Variants in SGF29 observed in about 807,000 individuals in gnomAD.
SGF29 encodes the protein SAGA complex associated factor 29.
In SGF29, 15 loss-of-function variants were observed where a neutral mutation model predicts 38.1. The ratio of observed to expected loss-of-function variants is 0.39; its 90% CI spans 0.26 to 0.61. The LOEUF (loss-of-function observed/expected upper bound fraction) is 0.61, where lower values mean the gene tolerates loss of function less well. Among genes scored for constraint, SGF29 ranks in the 20% least tolerant of loss-of-function variants. The pLI, the probability that SGF29 is intolerant of heterozygous loss-of-function variation, is 0.49. For missense variants in SGF29, 184 were observed against 394.6 expected, an observed-to-expected ratio of 0.47 and a Z score of 4.52; for synonymous variants, 151 against 160.8, an observed-to-expected ratio of 0.94 and a Z score of 0.46.
chr16:28,591,660 T>C lies in SGF29; in HGVS notation c.836T>C (p.Val279Ala). The part of the protein sequence containing the change: ...YADGYSPPLN[V>A]AQRYVVACKE... ...GATGGCTATTCCCCTCCCCTCAATG[T>C]GGCTCAGAGATACGTGGTGGCTTGT... The change falls in exon 10 of 10, where the codon GTG becomes GCG. Residue 279 changes from valine (V) to alanine (A), a missense_variant. Val to Ala is a moderately conservative substitution (Grantham distance 64). This residue lies in a region of SGF29 where 107 missense variants were observed against 276.9 expected (regional missense o/e 0.39). Coordinates refer to ENST00000317058, the MANE Select transcript of SGF29 (RefSeq NM_138414.3). The C allele has an allele frequency of 6.2e-7, 1 of 1,614,104 alleles. No individual in the cohort carries two copies. The highest frequency in any genetic ancestry group is 8.5e-7 in the Non-Finnish European group (1 of 1,179,970).
At chr16:28,575,092 T>C (rs1199856610) in intron 1 of SGF29, among the ~76,000 whole-genome samples, 1 of 152,172 alleles carries the variant, frequency 6.6e-6, no homozygotes, top group South Asian at 2.1e-4. Context: ...AGTTGTCCAG[T>C]GCATCCCTTC....
chr16:28,586,983 G>C (rs1449752682), intron 4 of SGF29, among the ~76,000 whole-genome samples: 1 of 152,064 alleles, frequency 6.6e-6, no homozygotes, highest in Non-Finnish European at 1.5e-5. Context: ...GAGTAGCTGG[G>C]ACAATAGGCA....
intron 2 of SGF29, among the ~76,000 whole-genome samples, chr16:28,581,754 A>C (rs1333604896): frequency 6.6e-6 from 1 of 151,964 alleles, no homozygotes; most frequent in Non-Finnish European, 1.5e-5. Context: ...GGCTGTCTCT[A>C]CTAAAAATAC....
chr16:28,585,149 C>G, intron 3 of SGF29, 161 bp downstream of exon 3: 1 of 592,796 alleles, frequency 1.7e-6, no homozygotes, highest in South Asian at 2.2e-5. Flanking sequence ...TCTGGGTGAC[C>G]TGAAGAACTA....
intron 1 of SGF29, among the ~76,000 whole-genome samples, chr16:28,571,973 TTTTTTA>T (rs1166389719): frequency 6.6e-6 from 1 of 152,316 alleles, no homozygotes; most frequent in African/African-American, 2.4e-5. Flanking sequence ...AGTTTCTTCT[TTTTTTA>T]TTTTTATTTT....
rs1459851397 is a variant in SGF29, at chr16:28,590,464, G to A, written c.566+22G>A. 6.2e-7 allele frequency: 1 copy of A among 1,613,908 alleles called. No homozygotes were observed. Among genetic ancestry groups the A allele is most frequent in the Admixed American group, 1.7e-5 (1 of 60,014 alleles). On this transcript the variant is annotated intron_variant, in intron 7 of 9. Transcript: ENST00000317058. The surrounding 1 kb of genome is among the most constrained non-coding windows in gnomAD (Gnocchi z 8.2). ...ACAAGTGAGTGACACCAACCCTGGG[G>A]CTGCTCTCTGGTCACCGAACTTGCC...
rs2046972200 is a variant in SGF29 at position 28,589,131 on chromosome 16, G to A, written c.256G>A (p.Glu86Lys). The A allele has an allele frequency of 6.2e-7, 1 of 1,614,198 alleles. No individual in the cohort carries two copies. The highest frequency in any genetic ancestry group is 1.1e-5 in the South Asian group (1 of 91,086). Residue 86 changes from glutamate to lysine, a missense_variant, in exon 5 of 10, where the codon GAA (glutamate) becomes AAA (lysine). Coordinates refer to ENST00000317058, the MANE Select transcript of SGF29 (RefSeq NM_138414.3). ...ILRKALDKIA[E>K]IKSLLEERRI... is the part of the protein sequence containing the mutation. ...TCGGAAAGCTCTGGACAAGATCGCG[G>A]AAATCAAGTCTCTGTTGGAAGAGAG...
chr16:28,572,106 A>C (rs1189778270), intron 1 of SGF29, among the ~76,000 whole-genome samples: 2 of 149,136 alleles, frequency 1.3e-5, no homozygotes, highest in Non-Finnish European at 3.0e-5. Flanking sequence ...CCTCCCGAGT[A>C]GCTGGGACCA....
rs1160716173 is a variant in SGF29 at position 28,553,940 on chromosome 16, C to A, written c.-173C>A. On this transcript the variant is annotated 5_prime_UTR_variant, in exon 1 of 10. Transcript: ENST00000317058. ...AAGGTCCTCCGCGCGCGACTACGCT[C>A]ATAAAAGGAAAAAAAAGCGTGTGCG... 1.8e-5 allele frequency: 2 copies of A among 113,458 alleles called. No individual in the cohort carries two copies. The highest frequency in any genetic ancestry group is 4.2e-4 in the East Asian group (2 of 4,712). 7.0% of individuals were successfully genotyped at this position (113,458 alleles called of 1,614,324 possible). A position where few individuals can be genotyped will look rare whatever the true frequency, so the allele number is the denominator to read the frequency against.
rs1491095521 is a variant in SGF29, at chr16:28,564,774, T to TAC, written c.-16+10678_-16+10679insCA. ...ATATATGTATATATGTATATATATG[T>TAC]ATATATATATATACACACACACACA... On this transcript the variant is annotated intron_variant, in intron 1 of 9. Transcript: ENST00000317058. 4.2e-4 allele frequency among the ~76,000 whole-genome samples: 13 copies of TAC among 31,294 alleles called. No individual in the cohort carries two copies. In the South Asian group the frequency reaches 0.011, roughly 27 times the overall value. 20.5% of individuals were successfully genotyped at this position (31,294 alleles called of 152,430 possible).
At chr16:28,560,892 C>T (rs1164571111) in intron 1 of SGF29, among the ~76,000 whole-genome samples, 5 of 141,444 alleles carry the variant, frequency 3.5e-5, no homozygotes, top group East Asian at 2.2e-4. Flanking sequence ...ACCTGGGAGG[C>T]GGAGCTTGCA....
At chr16:28,564,562 TATACGTATATATATAC>T (rs1468225588) in intron 1 of SGF29, among the ~76,000 whole-genome samples, 159 of 134,188 alleles carry the variant, frequency 1.2e-3, no homozygotes, top group South Asian at 7.7e-3. Flanking sequence ...TATATATATA[TATACGTATATATATAC>T]ACGTATATAT....
chr16:28,588,961 G>A (rs17639997), intron 4 of SGF29, 139 bp from the exon 5 acceptor site: 41 of 826,378 alleles, frequency 5.0e-5, no homozygotes, highest in African/African-American at 8.5e-5. Context: ...TTCCACCTGC[G>A]CAGGAGGCTA....
intron 1 of SGF29, among the ~76,000 whole-genome samples, chr16:28,562,626 T>G (rs969760595): frequency 2.0e-5 from 3 of 152,058 alleles, no homozygotes; most frequent in African/African-American, 7.2e-5. Flanking sequence ...TCTTGGCCGC[T>G]CATGGTGACT....
intron 4 of SGF29, among the ~76,000 whole-genome samples, chr16:28,586,155 G>T (rs1285572390): frequency 6.6e-6 from 1 of 152,096 alleles, no homozygotes; most frequent in Non-Finnish European, 1.5e-5. Context: ...GAGCGTGGTG[G>T]CATGTGTCTG....
At chr16:28,569,511 G>C (rs1294112126) in intron 1 of SGF29, among the ~76,000 whole-genome samples, 1 of 152,136 alleles carries the variant, frequency 6.6e-6, no homozygotes, top group Non-Finnish European at 1.5e-5. Flanking sequence ...AATTAGCCGG[G>C]CATGGTGGCA....
chr16:28,579,215 C>G (rs1365706533), intron 1 of SGF29, among the ~76,000 whole-genome samples: 1 of 150,574 alleles, frequency 6.6e-6, no homozygotes, highest in Non-Finnish European at 1.5e-5. Flanking sequence ...AACTTACACT[C>G]TTGATTACTT....
rs2046952989 is a variant in SGF29, at chr16:28,585,733, C to T, written c.224+13C>T. The T allele has an allele frequency of 2.5e-6, 4 of 1,612,976 alleles. No individual in the cohort carries two copies. The highest frequency in any genetic ancestry group is 3.4e-6 in the Non-Finnish European group (4 of 1,178,864). Reference sequence around the variant, plus strand: ...AGGCTGAGTGCAAGTGAGTACCGTGCACCCACTTCATCGCCGCTCCCTCCT... The same window carrying T: ...AGGCTGAGTGCAAGTGAGTACCGTGTACCCACTTCATCGCCGCTCCCTCCT... On this transcript the variant is annotated intron_variant, in intron 4 of 9. Coordinates refer to ENST00000317058, the MANE Select transcript of SGF29 (RefSeq NM_138414.3).
At chr16:28,588,900 T>C (rs565202710) in intron 4 of SGF29, among the ~76,000 whole-genome samples, 200 bp from the exon 5 acceptor site, 1 of 152,196 alleles carries the variant, frequency 6.6e-6, no homozygotes, top group South Asian at 2.1e-4. Context: ...GAGGTTGGTC[T>C]GAATAACCCA....
Sources: gnomAD v4.1 joint callset for allele counts (sites outside exome capture counted in the v4.1 genomes callset) on GRCh38, gnomAD v4.1.1 for gene constraint, gnomAD v4.1.1 regional missense constraint, Gnocchi (gnomAD v3.1) non-coding constraint, MANE v1.5 for transcripts, NCBI Gene and HGNC (gene_info 2026-07-23, HGNC 2026-07-21) for gene names.